The following NRXN3 variants were observed in gnomAD, a reference collection of about 807,000 sequenced individuals.
NRXN3 encodes the protein neurexin III.
Under a neutral mutation model 137.6 loss-of-function variants are expected in NRXN3, and 32 were observed. That is an observed-to-expected ratio of 0.23 (90% CI 0.18 to 0.31). The LOEUF (loss-of-function observed/expected upper bound fraction) is 0.31. NRXN3 is among the 10% of genes least tolerant of loss of function. NRXN3 has a pLI of 1.00. For missense variants in NRXN3, 1,574 were observed against 2,062.5 expected (o/e 0.76, Z 4.59); for synonymous variants, 798 against 784.5 (o/e 1.02, Z -0.29).
intron 15 of NRXN3, among the ~76,000 whole-genome samples, chr14:79,352,280 C>T (rs144839417): frequency 6.6e-6 from 1 of 152,114 alleles, no homozygotes; most frequent in Non-Finnish European, 1.5e-5. Context: ...TTTGGCCTCA[C>T]ACTGACTGAA....
At chr14:78,870,662 A>G (rs2099099108) in intron 10 of NRXN3, among the ~76,000 whole-genome samples, 1 of 151,692 alleles carries the variant, frequency 6.6e-6, no homozygotes, top group East Asian at 1.9e-4. Context: ...CCTTTTAACA[A>G]TCCCCCTTTT....
chr14:79,406,928 A>T (rs180809249), intron 15 of NRXN3, among the ~76,000 whole-genome samples: 168 of 152,316 alleles, frequency 1.1e-3, no homozygotes, highest in African/African-American at 3.7e-3. Context: ...GCTGTAGATT[A>T]ATAATGCCAT....
intron 16 of NRXN3, among the ~76,000 whole-genome samples, chr14:79,504,641 T>TATATATATATATATA (rs1555491923): frequency 4.7e-4 from 46 of 97,882 alleles, no homozygotes; most frequent in South Asian, 1.8e-3. Context: ...ATGAAGTTTT[T>TATATATATATATATA]TATATATATA....
intron 16 of NRXN3, among the ~76,000 whole-genome samples, chr14:79,499,632 C>T (rs1009778573): frequency 6.6e-6 from 1 of 152,132 alleles, no homozygotes; most frequent in African/African-American, 2.4e-5. Context: ...TCATAGTGAA[C>T]CCTTCATAAA....
chr14:78,754,983 TA>T (rs2098661109), intron 8 of NRXN3, among the ~76,000 whole-genome samples: 1 of 152,082 alleles, frequency 6.6e-6, no homozygotes, highest in Admixed American at 6.5e-5. Context: ...TGTTGTCTAG[TA>T]AAAGGCAGCA....
Position 79,190,187 on chromosome 14 carries a change from A to T in NRXN3, c.3262+202046A>T, listed in dbSNP as rs80320296. ...TTGTCATGGAGACATTTTCAGATTA[A>T]GTTGAAAAGGTCCATAATCCTTACG... On this transcript the variant is annotated intron_variant, in intron 15 of 20. Coordinates refer to ENST00000335750, the MANE Select transcript of NRXN3 (RefSeq NM_001330195.2). Among the ~76,000 whole-genome samples the T allele has an allele frequency of 7.9e-5, 12 of 152,268 alleles. No homozygotes were observed. In the East Asian group the frequency reaches 2.1e-3, roughly 27 times the overall value.
intron 6 of NRXN3, among the ~76,000 whole-genome samples, chr14:78,699,636 A>G (rs1418452737): frequency 6.6e-6 from 1 of 152,138 alleles, no homozygotes; most frequent in Admixed American, 6.5e-5. Context: ...TCTAATAGTT[A>G]CCTTTTTCCC....
At chr14:79,430,878 T>G (rs1279849456) in intron 15 of NRXN3, among the ~76,000 whole-genome samples, 1 of 152,208 alleles carries the variant, frequency 6.6e-6, no homozygotes, top group Admixed American at 6.5e-5. Flanking sequence ...TATTGATCTT[T>G]TTAGAAGTCC....
intron 8 of NRXN3, among the ~76,000 whole-genome samples, chr14:78,782,162 A>G (rs375156735): frequency 6.6e-6 from 1 of 152,202 alleles, no homozygotes; most frequent in East Asian, 1.9e-4. Context: ...AATAACATTT[A>G]CCAGCTACAG....
intron 15 of NRXN3, among the ~76,000 whole-genome samples, chr14:79,110,570 A>G (rs2053291312): frequency 6.6e-6 from 1 of 152,178 alleles, no homozygotes; most frequent in South Asian, 2.1e-4. Flanking sequence ...AAATAGATGG[A>G]TGCATTTGGC....
At chr14:79,843,282 A>G (rs1225656681) in intron 20 of NRXN3, among the ~76,000 whole-genome samples, 1 of 152,190 alleles carries the variant, frequency 6.6e-6, no homozygotes, top group African/African-American at 2.4e-5. Context: ...GTGCTTTGTT[A>G]TATGTGAAAC....
At chr14:79,279,403 T>G in intron 15 of NRXN3, 18 of 986,238 alleles carry the variant, frequency 1.8e-5, no homozygotes, top group Non-Finnish European at 2.2e-5. Context: ...TGTGCCTCCC[T>G]GGTCCGCGCA....
intron 1 of NRXN3, among the ~76,000 whole-genome samples, chr14:78,196,824 C>T (rs2061273152): frequency 6.6e-6 from 1 of 152,200 alleles, no homozygotes; most frequent in Non-Finnish European, 1.5e-5. Flanking sequence ...TACAGATGTG[C>T]TTTGACCTGA....
chr14:79,586,774 C>A (rs1303421189), intron 16 of NRXN3, among the ~76,000 whole-genome samples: 2 of 152,100 alleles, frequency 1.3e-5, no homozygotes, highest in Non-Finnish European at 2.9e-5. Flanking sequence ...TATTGAAATT[C>A]TTTTTAATCC....
At chr14:78,943,440 G>C (rs77629908) in intron 10 of NRXN3, among the ~76,000 whole-genome samples, 3,029 of 150,878 alleles carry the variant, frequency 0.02, 41 homozygotes, top group Middle Eastern at 0.048. Flanking sequence ...GTGAAGTCTG[G>C]GGGGAGAAGC....
chr14:79,773,441 T>A (rs1603481994), intron 19 of NRXN3, among the ~76,000 whole-genome samples: 1 of 152,024 alleles, frequency 6.6e-6, no homozygotes, highest in South Asian at 2.1e-4. Flanking sequence ...TGGAATACTA[T>A]GCAGCCATAA....
intron 15 of NRXN3, among the ~76,000 whole-genome samples, chr14:79,353,715 A>G (rs969844010): frequency 2.6e-5 from 4 of 152,098 alleles, no homozygotes; most frequent in Admixed American, 2.6e-4. Flanking sequence ...ACATTTTCTC[A>G]TTTAACGCTT....
chr14:78,873,687 T>C (rs1264089761), intron 10 of NRXN3, among the ~76,000 whole-genome samples: 1 of 152,132 alleles, frequency 6.6e-6, no homozygotes, highest in African/African-American at 2.4e-5. Context: ...AAAGAGATGG[T>C]TCGTATGATG....
chr14:78,203,821 T>TG (rs2061911032), intron 1 of NRXN3, among the ~76,000 whole-genome samples: 2 of 109,092 alleles, frequency 1.8e-5, no homozygotes, highest in African/African-American at 7.5e-5. Context: ...TGTGTGTGTG[T>TG]GTGTGTGTGT....
Sources: allele counts gnomAD v4.1 joint callset (sites outside exome capture counted in the v4.1 genomes callset), GRCh38; gene constraint gnomAD v4.1.1; transcripts MANE v1.5; gene names NCBI Gene and HGNC (gene_info 2026-07-23, HGNC 2026-07-21).